The following PSMD14 variants were observed in gnomAD, a reference collection of about 807,000 sequenced individuals.
PSMD14 encodes the protein ubiquitin C-terminal hydrolase PSMD14.
In PSMD14, 7 loss-of-function variants were observed where a neutral mutation model predicts 41.2. The observed-to-expected ratio is 0.17, with a 90% CI of 0.10 to 0.32. The LOEUF is 0.32. Among genes scored for constraint, PSMD14 ranks in the 10% least tolerant of loss-of-function variants. The probability of loss-of-function intolerance (pLI) is 1.00; values close to 1 mark genes in which losing one functional copy is unlikely to be tolerated. For missense variants in PSMD14, 139 were observed against 375.6 expected (o/e 0.37, Z 5.21); for synonymous variants, 114 against 122.3 (o/e 0.93, Z 0.45).
intron 3 of PSMD14, among the ~76,000 whole-genome samples, chr2:161,354,524 C>T (rs1683166919): frequency 6.6e-6 from 1 of 151,896 alleles, no homozygotes; most frequent in Non-Finnish European, 1.5e-5. Flanking sequence ...TGCAGTGGAG[C>T]ACGGTGATTG....
chr2:161,393,480 A>G (rs1471677553), intron 9 of PSMD14, among the ~76,000 whole-genome samples: 2 of 152,174 alleles, frequency 1.3e-5, no homozygotes, highest in Admixed American at 6.6e-5. Context: ...GGAGTTTTGT[A>G]TCTTCAAAAG....
intron 3 of PSMD14, among the ~76,000 whole-genome samples, chr2:161,342,980 A>G (rs956154309): frequency 6.6e-6 from 1 of 152,182 alleles, no homozygotes; most frequent in African/African-American, 2.4e-5. Context: ...TACTCCATAT[A>G]TGCTCTCTGG....
In PSMD14 at chr2:161,389,889, G is replaced by GTTTTTTTTTTTTTTT. The variant is rs1162637393; in HGVS notation, c.571-1206_571-1192dup. On this transcript the variant is annotated intron_variant, in intron 8 of 11. Coordinates refer to ENST00000409682, the MANE Select transcript of PSMD14 (RefSeq NM_005805.6). ...TGTCTTATTTTCTTTCTTTTTTGTT[G>GTTTTTTTTTTTTTTT]TTTTTTTTTTTTTTTTTTTTTTTAG... 3.0e-4 allele frequency among the ~76,000 whole-genome samples: 6 copies of GTTTTTTTTTTTTTTT among 20,046 alleles called. No individual in the cohort carries two copies. The East Asian group carries it at 6.6e-3, about 22-fold the overall frequency. 13.2% of individuals were successfully genotyped at this position (20,046 alleles called of 152,430 possible). A position where few individuals can be genotyped will look rare whatever the true frequency, so the allele number is the denominator to read the frequency against.
chr2:161,390,092 G>A (rs1683693002), intron 8 of PSMD14, among the ~76,000 whole-genome samples: 1 of 150,888 alleles, frequency 6.6e-6, no homozygotes, highest in South Asian at 2.1e-4. Flanking sequence ...GTACTATGAA[G>A]ATTAGAAGAT....
At chr2:161,375,172 T>A (rs1683486538) in intron 7 of PSMD14, among the ~76,000 whole-genome samples, 1 of 152,040 alleles carries the variant, frequency 6.6e-6, no homozygotes, top group Admixed American at 6.6e-5. Context: ...CTAATGATTC[T>A]AAGATGCAAA....
At chr2:161,309,869 A>T (rs1303227700) in intron 1 of PSMD14, among the ~76,000 whole-genome samples, 1 of 151,984 alleles carries the variant, frequency 6.6e-6, no homozygotes, top group Admixed American at 6.6e-5. Flanking sequence ...TGCCATTTTA[A>T]TTTAGGCCGG....
intron 3 of PSMD14, among the ~76,000 whole-genome samples, chr2:161,357,970 A>T (rs578196442): frequency 6.6e-6 from 1 of 152,034 alleles, no homozygotes; most frequent in African/African-American, 2.4e-5. Flanking sequence ...AATAGTTCAC[A>T]TACTGTATAA....
chr2:161,312,431 A>C lies in PSMD14; in HGVS notation c.-138+3827A>C, dbSNP rs548010241. ...AGTGCTGGGATTACAGGCATGAGCC[A>C]CTGCACCTGGCCAAAAATTGATTTA... On this transcript the variant is annotated intron_variant, in intron 1 of 11. Transcript: ENST00000409682. 3.9e-5 allele frequency among the ~76,000 whole-genome samples: 6 copies of C among 152,364 alleles called. No individual in the cohort carries two copies. In the East Asian group the frequency reaches 1.2e-3, roughly 29 times the overall value.
At chr2:161,337,553 A>G (rs1682886992) in intron 3 of PSMD14, among the ~76,000 whole-genome samples, 1 of 152,188 alleles carries the variant, frequency 6.6e-6, no homozygotes, top group South Asian at 2.1e-4. Flanking sequence ...CACCTAATCA[A>G]TATTTTAGTT....
At chr2:161,355,345 A>G (rs1249130313) in intron 3 of PSMD14, among the ~76,000 whole-genome samples, 1 of 152,174 alleles carries the variant, frequency 6.6e-6, no homozygotes, top group Non-Finnish European at 1.5e-5. Context: ...AGTTTTTACT[A>G]AAGTCAGTAC....
intron 3 of PSMD14, among the ~76,000 whole-genome samples, chr2:161,343,302 A>T (rs980628649): frequency 2.0e-5 from 3 of 152,188 alleles, no homozygotes; most frequent in Admixed American, 2.0e-4. Context: ...GACCTCACAT[A>T]TATGGAATCA....
At chr2:161,365,718 T>C (rs1280685259) in intron 3 of PSMD14, among the ~76,000 whole-genome samples, 3 of 152,146 alleles carry the variant, frequency 2.0e-5, no homozygotes, top group African/African-American at 7.2e-5. Context: ...GGGGTGATGT[T>C]TTGATAAATA....
intron 11 of PSMD14, among the ~76,000 whole-genome samples, chr2:161,410,878 C>T (rs1298690011): frequency 2.0e-5 from 3 of 152,082 alleles, no homozygotes; most frequent in Non-Finnish European, 4.4e-5. Flanking sequence ...TCACACTGAA[C>T]TCTTACCCTT....
intron 3 of PSMD14, among the ~76,000 whole-genome samples, chr2:161,344,094 T>C (rs1268314322): frequency 7.0e-6 from 1 of 143,116 alleles, no homozygotes; most frequent in Non-Finnish European, 1.5e-5. Flanking sequence ...ACTAGGCTAT[T>C]TTACATTAGA....
intron 10 of PSMD14, among the ~76,000 whole-genome samples, chr2:161,404,543 A>G (rs1197390051): frequency 1.3e-5 from 2 of 152,030 alleles, no homozygotes; most frequent in Non-Finnish European, 2.9e-5. Context: ...CTTGAGGCTA[A>G]CTGGATAAAA....
chr2:161,353,320 C>T (rs1487232515), intron 3 of PSMD14, among the ~76,000 whole-genome samples: 1 of 152,024 alleles, frequency 6.6e-6, no homozygotes, highest in East Asian at 1.9e-4. Flanking sequence ...TTTCATAAAG[C>T]CAAAAGTATG....
intron 7 of PSMD14, chr2:161,384,619 A>G (rs914521352): frequency 3.3e-5 from 5 of 151,772 alleles, no homozygotes; most frequent in African/African-American, 1.2e-4. Flanking sequence ...ATTCCCTTAA[A>G]GTGGCAATCT....
intron 7 of PSMD14, among the ~76,000 whole-genome samples, chr2:161,376,953 A>G (rs1683510628): frequency 6.6e-6 from 1 of 151,812 alleles, no homozygotes; most frequent in Admixed American, 6.6e-5. Context: ...ATTTTGTGAC[A>G]TTTATTAATT....
intron 1 of PSMD14, among the ~76,000 whole-genome samples, chr2:161,313,987 C>T (rs184244763): frequency 1.3e-4 from 20 of 152,278 alleles, no homozygotes; most frequent in Admixed American, 3.3e-4. Flanking sequence ...CATCCATATC[C>T]AGAATTTTTT....
Sources: gnomAD v4.1 joint callset for allele counts (sites outside exome capture counted in the v4.1 genomes callset) on GRCh38, gnomAD v4.1.1 for gene constraint, MANE v1.5 for transcripts, NCBI Gene and HGNC (gene_info 2026-07-23, HGNC 2026-07-21) for gene names.